The following VWA8 variants were observed in gnomAD, a reference collection of about 807,000 sequenced individuals.
The protein encoded by VWA8 is von Willebrand factor A domain containing 8.
A neutral mutation model predicts 241.5 loss-of-function variants in VWA8; 221 were observed. The observed-to-expected ratio is 0.91, with a 90% confidence interval of 0.82 to 1.02. The LOEUF is 1.02. VWA8 is among the 50% of genes least tolerant of loss of function. VWA8 has a pLI of 0.00. For synonymous variants in VWA8, 852 were observed against 827.1 expected (o/e 1.03, Z -0.52); for missense variants, 2,322 against 2,328.7 (o/e 1.00, Z 0.06).
chr13:41,581,307 T>A, intron 42 of VWA8, among the ~76,000 whole-genome samples: 2 of 151,508 alleles, frequency 1.3e-5, no homozygotes, highest in African/African-American at 2.4e-5. Context: ...CGGCCGAGAG[T>A]GAGTCATCTA....
chr13:41,657,302 G>A (rs1310569791), intron 37 of VWA8, among the ~76,000 whole-genome samples: 3 of 151,734 alleles, frequency 2.0e-5, no homozygotes, highest in African/African-American at 7.3e-5. Flanking sequence ...GCCAGGCCCT[G>A]AGACTTCTAG....
intron 12 of VWA8, among the ~76,000 whole-genome samples, chr13:41,853,783 C>CA (rs1191831645): frequency 1.3e-5 from 2 of 152,040 alleles, no homozygotes; most frequent in Admixed American, 6.5e-5. Flanking sequence ...TTTATCTTTT[C>CA]AAAAAAATCA....
Position 41,888,980 on chromosome 13 carries a change from T to C in VWA8, c.652-1619A>G, listed in dbSNP as rs187316088. 6.0e-3 allele frequency among the ~76,000 whole-genome samples: 920 copies of C among 152,328 alleles called. 3 individuals carry two copies. Among genetic ancestry groups the C allele is most frequent in the Non-Finnish European group, 0.01 (688 of 68,034 alleles). On this transcript the variant is annotated intron_variant, in intron 5 of 44. Coordinates refer to ENST00000379310, the MANE Select transcript of VWA8 (RefSeq NM_015058.2). ...GAATCTTCAGAGAGCTGACTAAATA[T>C]TTCTCTTTTTCATTTACTCAAAAAT...
intron 17 of VWA8, among the ~76,000 whole-genome samples, chr13:41,799,653 T>C (rs1869859154): frequency 6.6e-6 from 1 of 152,182 alleles, no homozygotes; most frequent in Non-Finnish European, 1.5e-5. Flanking sequence ...AAATCCAGCA[T>C]TAGACCACTT....
chr13:41,853,351 T>C (rs191728180), intron 12 of VWA8, among the ~76,000 whole-genome samples: 23 of 152,314 alleles, frequency 1.5e-4, no homozygotes, highest in Non-Finnish European at 2.6e-4. Flanking sequence ...TCTTGTAGTG[T>C]GCTTGTCTGG....
chr13:41,895,340 G>C (rs574540613), intron 4 of VWA8, among the ~76,000 whole-genome samples: 1 of 152,218 alleles, frequency 6.6e-6, no homozygotes, highest in Non-Finnish European at 1.5e-5. Flanking sequence ...AAAACGAGTA[G>C]AGTAAGAACT....
chr13:41,831,873 G>T (rs1004450878), intron 13 of VWA8, among the ~76,000 whole-genome samples: 6 of 151,694 alleles, frequency 4.0e-5, no homozygotes, highest in African/African-American at 1.5e-4. Flanking sequence ...GCCCACCTCG[G>T]TCTCCCAAAA....
At chr13:41,814,518 T>C (rs1214270619) in intron 16 of VWA8, among the ~76,000 whole-genome samples, 2 of 152,164 alleles carry the variant, frequency 1.3e-5, no homozygotes, top group Non-Finnish European at 2.9e-5. Flanking sequence ...TCAAGAGAGT[T>C]TGTAGAAACT....
chr13:41,890,223 T>C (rs965476697), intron 5 of VWA8, among the ~76,000 whole-genome samples: 3 of 152,252 alleles, frequency 2.0e-5, no homozygotes, highest in Non-Finnish European at 4.4e-5. Context: ...GGGCCTAGTG[T>C]GTTCTGGGCT....
At position 41,887,250 on chromosome 13, in the gene VWA8, G is replaced by A. The variant is rs777168545; in HGVS notation, c.763C>T (p.Pro255Ser). Residue 255 changes from proline to serine, a missense_variant, in exon 6 of 45, where the codon CCC becomes TCC. By Grantham distance (74) the Pro-to-Ser change is moderately conservative (BLOSUM62 -1). Coordinates refer to ENST00000379310, the MANE Select transcript of VWA8 (RefSeq NM_015058.2). ...GCTTGAAATCGAGAACGAAGAGGGG[G>A]GTCTAATGGATTCCCAGAATACCTT... ...VPRYSGNPLD[P>S]PLRSRFQARD... 5 of 1,613,224 alleles carry A rather than the reference G, an allele frequency of 3.1e-6. No homozygotes were observed. In the South Asian group the frequency reaches 3.3e-5, roughly 11 times the overall value.
chr13:41,701,314 A>C, intron 28 of VWA8, 78 bp downstream of exon 28: 2 of 1,446,756 alleles, frequency 1.4e-6, no homozygotes, highest in South Asian at 1.6e-5. Context: ...AAACTTTTTG[A>C]TGTCTAGAGA....
Position 41,670,966 on chromosome 13 carries a change from G to A in VWA8, c.4591C>T (p.Gln1531Ter), listed in dbSNP as rs764801777. Residue 1531 changes from glutamine (Q) to a stop codon, truncating the protein, a stop_gained, in exon 37 of 45, where the codon CAA (glutamine) becomes TAA (stop). Transcript: ENST00000379310. LOFTEE classifies it high-confidence loss of function. ...SLMEWRNMIG[Q>*]DDRNMQITIN... The stretch of plus-strand genomic sequence containing the variant: ...GGTACCTGCATATTTCTGTCATCTT[G>A]TCCAATCATGTTTCTCCATTCCATG... 1 of 1,613,752 alleles carries A rather than the reference G, an allele frequency of 6.2e-7. No homozygotes were observed. Among genetic ancestry groups the A allele is most frequent in the Non-Finnish European group, 8.5e-7 (1 of 1,179,824 alleles).
At chr13:41,771,112 T>C (rs949790824) in intron 20 of VWA8, among the ~76,000 whole-genome samples, 1 of 152,214 alleles carries the variant, frequency 6.6e-6, no homozygotes, top group Non-Finnish European at 1.5e-5. Flanking sequence ...AAACACTGAA[T>C]ATTTAAAAAA....
Position 41,887,245 on chromosome 13 carries a change from A to AG in VWA8, c.767dup (p.Leu257SerfsTer20), listed in dbSNP as rs531949969. On this transcript the variant is annotated frameshift_variant, in exon 6 of 45. Coordinates refer to ENST00000379310, the MANE Select transcript of VWA8 (RefSeq NM_015058.2). LOFTEE classifies it high-confidence loss of function. The stretch of plus-strand genomic sequence containing the variant: ...CCCTGGCTTGAAATCGAGAACGAAG[A>AG]GGGGGGTCTAATGGATTCCCAGAAT... The AG allele has an allele frequency of 2.2e-4, 362 of 1,613,414 alleles. No homozygotes were observed. The highest frequency in any genetic ancestry group is 2.9e-4 in the Non-Finnish European group (344 of 1,179,802).
chr13:41,766,254 G>C (rs1418034705), intron 20 of VWA8, among the ~76,000 whole-genome samples: 1 of 152,052 alleles, frequency 6.6e-6, no homozygotes, highest in Non-Finnish European at 1.5e-5. Context: ...AAGGACTTTG[G>C]GGCTTTTCTT....
intron 2 of VWA8, among the ~76,000 whole-genome samples, chr13:41,914,616 C>A (rs900812399): frequency 1.3e-5 from 2 of 152,190 alleles, no homozygotes; most frequent in Admixed American, 1.3e-4. Context: ...AAATCTATTA[C>A]CTCTTCCTAC....
intron 3 of VWA8, 32 bp from the exon 4 acceptor site, chr13:41,907,728 A>T: frequency 6.3e-7 from 1 of 1,579,562 alleles, no homozygotes; most frequent in Non-Finnish European, 8.7e-7. Context: ...TATTCCAAAA[A>T]TAAAATCAAA....
chr13:41,735,604 T>A (rs917743630), intron 21 of VWA8, among the ~76,000 whole-genome samples: 1 of 152,206 alleles, frequency 6.6e-6, no homozygotes, highest in South Asian at 2.1e-4. Flanking sequence ...AGCCCCTTCA[T>A]CTAGTACATA....
At chr13:41,753,003 T>C (rs2045667572) in intron 21 of VWA8, among the ~76,000 whole-genome samples, 1 of 152,102 alleles carries the variant, frequency 6.6e-6, no homozygotes, top group Non-Finnish European at 1.5e-5. Context: ...AGGTTTTATG[T>C]AGAAGTAACA....
Sources: allele counts gnomAD v4.1 joint callset (sites outside exome capture counted in the v4.1 genomes callset), GRCh38; gene constraint gnomAD v4.1.1; transcripts MANE v1.5; gene names NCBI Gene and HGNC (gene_info 2026-07-23, HGNC 2026-07-21).